RARB: variants seen among roughly 807,000 people sequenced by gnomAD.
RARB encodes the protein retinoic acid receptor beta.
A neutral mutation model predicts 51.9 loss-of-function variants in RARB; 17 were observed. That is an observed-to-expected ratio of 0.33 (90% confidence interval 0.22 to 0.49). RARB has a LOEUF of 0.49. Ranked by LOEUF, RARB falls within the 20% of genes least tolerant of loss-of-function variation. RARB has a pLI of 0.99. For missense variants in RARB, 369 were observed against 550.8 expected (o/e 0.67, Z 3.30); for synonymous variants, 215 against 195.4 (o/e 1.10, Z -0.84).
intron 5 of RARB, among the ~76,000 whole-genome samples, chr3:25,199,769 A>C (rs1002885878): frequency 1.3e-5 from 2 of 152,190 alleles, no homozygotes; most frequent in African/African-American, 2.4e-5. Context: ...TACAAAGGAC[A>C]TGAACTCATC....
intron 5 of RARB, among the ~76,000 whole-genome samples, chr3:25,581,805 G>T (rs1037936905): frequency 1.2e-4 from 18 of 152,116 alleles, no homozygotes; most frequent in African/African-American, 4.3e-4. Context: ...TAGCAGGAAG[G>T]CAGCTGTGAC....
intron 1 of RARB, among the ~76,000 whole-genome samples, chr3:24,830,695 G>T (rs1702268510): frequency 2.0e-5 from 3 of 151,998 alleles, no homozygotes; most frequent in South Asian, 4.2e-4. Flanking sequence ...CTGTCCGTCT[G>T]TCTATCTGGA....
chr3:25,510,185 G>A (rs1208174992), intron 3 of RARB, among the ~76,000 whole-genome samples: 1 of 152,184 alleles, frequency 6.6e-6, no homozygotes, highest in African/African-American at 2.4e-5. Context: ...AGGTCACACA[G>A]CTGGTATACA....
chr3:25,042,082 A>T (rs182846301), intron 2 of RARB, among the ~76,000 whole-genome samples: 1 of 152,322 alleles, frequency 6.6e-6, no homozygotes, highest in Non-Finnish European at 1.5e-5. Context: ...CCCCATCTTG[A>T]AAGCCAGATG....
intron 3 of RARB, among the ~76,000 whole-genome samples, chr3:25,083,653 C>A (rs993266205): frequency 1.7e-4 from 26 of 151,982 alleles, no homozygotes; most frequent in Admixed American, 1.4e-3. Flanking sequence ...TGTTTTGTTT[C>A]TCATGATTAT....
intron 5 of RARB, among the ~76,000 whole-genome samples, chr3:25,281,000 A>G (rs1389188540): frequency 4.6e-5 from 7 of 152,228 alleles, no homozygotes; most frequent in Admixed American, 3.9e-4. Context: ...ACTCTTAAAC[A>G]CATACTTTTG....
chr3:25,213,568 T>A (rs1397968531), intron 5 of RARB, among the ~76,000 whole-genome samples: 1 of 152,196 alleles, frequency 6.6e-6, no homozygotes. Context: ...ATTACCAGAG[T>A]ATCTACCTAG....
rs575980708 is a variant in RARB at position 25,160,510 on chromosome 3, G to C, written c.-279-13609G>C. 1.6e-3 allele frequency among the ~76,000 whole-genome samples: 243 copies of C among 152,168 alleles called. 1 individual carries two copies. Among genetic ancestry groups the C allele is most frequent in the African/African-American group, 5.7e-3 (237 of 41,522 alleles). ...TCTCACTACCCAACACCACACATTG[G>C]ATTTTCCACTATGTGTGAAAAACAA... On this transcript the variant is annotated intron_variant, in intron 4 of 11. Transcript: ENST00000383772.
At chr3:25,343,198 C>T (rs1575326944) in intron 5 of RARB, among the ~76,000 whole-genome samples, 1 of 152,070 alleles carries the variant, frequency 6.6e-6, no homozygotes, top group African/African-American at 2.4e-5. Context: ...TTTCAAAGCA[C>T]TTCTACCATC....
intron 5 of RARB, among the ~76,000 whole-genome samples, chr3:25,181,699 T>C (rs1219811607): frequency 6.6e-6 from 1 of 152,356 alleles, no homozygotes; most frequent in Middle Eastern, 3.4e-3. Flanking sequence ...ATTTTACATA[T>C]AAATGCAAAA....
At chr3:25,131,658 C>T (rs1033982511) in intron 3 of RARB, among the ~76,000 whole-genome samples, 7 of 151,896 alleles carry the variant, frequency 4.6e-5, no homozygotes, top group African/African-American at 1.7e-4. Context: ...ATGATGGATC[C>T]TATTCACCAT....
At chr3:25,215,598 G>T (rs1037888511) in intron 5 of RARB, among the ~76,000 whole-genome samples, 7 of 152,122 alleles carry the variant, frequency 4.6e-5, no homozygotes, top group African/African-American at 1.7e-4. Context: ...CGTGCCTGAG[G>T]AACTTCATGG....
intron 3 of RARB, among the ~76,000 whole-genome samples, chr3:25,113,827 G>C (rs1055282595): frequency 1.3e-5 from 2 of 152,138 alleles, no homozygotes; most frequent in East Asian, 1.9e-4. Flanking sequence ...ACCCTGAGCA[G>C]AGAACAGGAG....
intron 3 of RARB, among the ~76,000 whole-genome samples, chr3:25,544,984 C>T (rs138684567): frequency 2.0e-3 from 297 of 151,910 alleles, no homozygotes; most frequent in African/African-American, 6.9e-3. Context: ...TTTCTTGAGA[C>T]GGAGTCTCGT....
At chr3:25,097,319 T>G (rs1699314250) in intron 3 of RARB, among the ~76,000 whole-genome samples, 1 of 152,112 alleles carries the variant, frequency 6.6e-6, no homozygotes, top group Admixed American at 6.5e-5. Flanking sequence ...TGGTTTAAAA[T>G]AGAAATCTAC....
chr3:25,392,459 G>T (rs1198483823), intron 5 of RARB, among the ~76,000 whole-genome samples: 1 of 151,964 alleles, frequency 6.6e-6, no homozygotes, highest in Non-Finnish European at 1.5e-5. Context: ...GATTTACATT[G>T]AATTTATAGA....
chr3:25,565,623 A>G (rs1700462053), intron 3 of RARB, among the ~76,000 whole-genome samples: 1 of 151,896 alleles, frequency 6.6e-6, no homozygotes, highest in Non-Finnish European at 1.5e-5. Flanking sequence ...GAATCCACCC[A>G]CTCATTTGGT....
At chr3:25,053,609 T>C (rs1698381606) in intron 2 of RARB, among the ~76,000 whole-genome samples, 1 of 152,184 alleles carries the variant, frequency 6.6e-6, no homozygotes, top group Admixed American at 6.6e-5. Flanking sequence ...GTTACAACAC[T>C]TTTGAAAGTG....
At chr3:24,852,134 T>G (rs1015363281) in intron 1 of RARB, among the ~76,000 whole-genome samples, 2 of 152,234 alleles carry the variant, frequency 1.3e-5, no homozygotes, top group African/African-American at 4.8e-5. Flanking sequence ...GATATCTCAT[T>G]TTGTTAGTGA....
Sources: gnomAD v4.1 joint callset for allele counts (sites outside exome capture counted in the v4.1 genomes callset) on GRCh38, gnomAD v4.1.1 for gene constraint, MANE v1.5 for transcripts, NCBI Gene and HGNC (gene_info 2026-07-23, HGNC 2026-07-21) for gene names.